MECOM: variants seen among roughly 807,000 people sequenced by gnomAD.
MECOM encodes MDS1 and EVI1 complex locus.
In MECOM, 13 loss-of-function variants were observed where a neutral mutation model predicts 116.3. That is an observed-to-expected ratio of 0.11 (90% CI 0.07 to 0.18). MECOM has a LOEUF of 0.18. Ranked by LOEUF, MECOM falls within the 10% of genes least tolerant of loss-of-function variation. The pLI, the probability that MECOM is intolerant of heterozygous loss-of-function variation, is 1.00. For synonymous variants in MECOM, 528 were observed against 535.2 expected (o/e 0.99, Z 0.19); for missense variants, 1,299 against 1,509.0 (o/e 0.86, Z 2.31).
At chr3:169,610,535 T>C (rs1769136442) in intron 1 of MECOM, among the ~76,000 whole-genome samples, 1 of 151,176 alleles carries the variant, frequency 6.6e-6, no homozygotes, top group Admixed American at 6.6e-5. Flanking sequence ...GTGTATAATA[T>C]CCCTATTTTA....
At chr3:169,369,888 A>T (rs1237318706) in intron 2 of MECOM, among the ~76,000 whole-genome samples, 8 of 152,050 alleles carry the variant, frequency 5.3e-5, no homozygotes, top group African/African-American at 1.9e-4. Context: ...ATTTGTTATT[A>T]TATTACATTT....
At chr3:169,421,164 T>C (rs144533238) in intron 1 of MECOM, among the ~76,000 whole-genome samples, 19 of 152,204 alleles carry the variant, frequency 1.2e-4, no homozygotes, top group Non-Finnish European at 1.2e-4. Context: ...CAAAACCAGG[T>C]AAAAAGGGAA....
chr3:169,429,667 T>G (rs536861405), intron 1 of MECOM, among the ~76,000 whole-genome samples: 3 of 152,314 alleles, frequency 2.0e-5, no homozygotes, highest in Non-Finnish European at 1.5e-5. Flanking sequence ...ACAGGTTTAA[T>G]GGGTTTAACA....
intron 1 of MECOM, among the ~76,000 whole-genome samples, chr3:169,421,865 C>T (rs1396029379): frequency 1.3e-5 from 2 of 152,064 alleles, no homozygotes; most frequent in African/African-American, 4.8e-5. Flanking sequence ...GATTAAACAT[C>T]TCTTGTCTCT....
chr3:169,168,341 T>G (rs895121787), intron 2 of MECOM, among the ~76,000 whole-genome samples: 1 of 150,828 alleles, frequency 6.6e-6, no homozygotes, highest in Non-Finnish European at 1.5e-5. Flanking sequence ...GGCCTGCTTT[T>G]TTTTTTTTTT....
At chr3:169,198,106 A>G (rs1380074061) in intron 2 of MECOM, among the ~76,000 whole-genome samples, 5 of 152,076 alleles carry the variant, frequency 3.3e-5, no homozygotes, top group Admixed American at 6.6e-5. Context: ...TGTGAATGCT[A>G]AAAACCAAAA....
intron 1 of MECOM, among the ~76,000 whole-genome samples, chr3:169,652,013 T>G (rs1430456574): frequency 1.3e-5 from 2 of 152,148 alleles, no homozygotes; most frequent in African/African-American, 4.8e-5. Flanking sequence ...AGAAAAATAT[T>G]GTGTATAAGA....
At chr3:169,472,685 A>G (rs1344092327) in intron 1 of MECOM, among the ~76,000 whole-genome samples, 18 of 135,696 alleles carry the variant, frequency 1.3e-4, no homozygotes, top group African/African-American at 3.5e-4. Flanking sequence ...GAGGAGAGGA[A>G]AGGAAAGGGA....
chr3:169,461,335 G>A (rs1033833197), intron 1 of MECOM, among the ~76,000 whole-genome samples: 19 of 152,212 alleles, frequency 1.2e-4, no homozygotes, highest in South Asian at 6.2e-4. Context: ...CAAACAGAAA[G>A]ACATTTTTAC....
intron 7 of MECOM, 121 bp downstream of exon 7, chr3:169,120,935 T>C (rs1730819390): frequency 1.9e-5 from 18 of 970,236 alleles, no homozygotes; most frequent in Non-Finnish European, 2.6e-5. Flanking sequence ...CCTACTGGAT[T>C]GGACCATAAA....
chr3:169,646,886 A>G (rs777224925), intron 1 of MECOM, among the ~76,000 whole-genome samples: 1 of 152,206 alleles, frequency 6.6e-6, no homozygotes, highest in Non-Finnish European at 1.5e-5. Context: ...AACAAAACTA[A>G]AATCATAACG....
intron 2 of MECOM, among the ~76,000 whole-genome samples, chr3:169,208,657 C>T (rs982711471): frequency 2.0e-5 from 3 of 151,946 alleles, no homozygotes; most frequent in Admixed American, 1.3e-4. Flanking sequence ...AGGACCTCTT[C>T]AAGGAGAACT....
chr3:169,508,416 A>C (rs1755562488), intron 1 of MECOM, among the ~76,000 whole-genome samples: 1 of 152,092 alleles, frequency 6.6e-6, no homozygotes, highest in Admixed American at 6.6e-5. Context: ...AGTGCAAAAA[A>C]AAAAAGACAA....
At chr3:169,349,599 T>G (rs1347033962) in intron 2 of MECOM, among the ~76,000 whole-genome samples, 3 of 151,910 alleles carry the variant, frequency 2.0e-5, no homozygotes, top group African/African-American at 7.2e-5. Context: ...TTTGGGAATG[T>G]TAGCTCAGGT....
chr3:169,105,119 A>C (rs747029627), intron 10 of MECOM, among the ~76,000 whole-genome samples: 2 of 152,186 alleles, frequency 1.3e-5, no homozygotes, highest in Non-Finnish European at 2.9e-5. Context: ...TTTTCTGCCC[A>C]GCCAGCAACC....
intron 2 of MECOM, among the ~76,000 whole-genome samples, chr3:169,351,149 A>AT (rs1201065140): frequency 6.6e-6 from 1 of 151,704 alleles, no homozygotes; most frequent in Non-Finnish European, 1.5e-5. Flanking sequence ...TAATGAAAAG[A>AT]TTTTTTTATA....
chr3:169,261,535 C>G (rs1445374072), intron 2 of MECOM, among the ~76,000 whole-genome samples: 1 of 152,042 alleles, frequency 6.6e-6, no homozygotes, highest in Non-Finnish European at 1.5e-5. Flanking sequence ...CCCGTCTCTA[C>G]TAAAAATACA....
chr3:169,126,001 A>G (rs190430701), intron 5 of MECOM, among the ~76,000 whole-genome samples: 1 of 152,274 alleles, frequency 6.6e-6, no homozygotes, highest in African/African-American at 2.4e-5. Flanking sequence ...GCTAGATCAT[A>G]TAATTTATAA....
intron 1 of MECOM, among the ~76,000 whole-genome samples, chr3:169,421,365 A>G (rs1220809187): frequency 6.6e-6 from 1 of 152,124 alleles, no homozygotes; most frequent in Non-Finnish European, 1.5e-5. Flanking sequence ...TGTTTGCCAT[A>G]CAAGAAGTAC....
Sources: allele counts gnomAD v4.1 joint callset (sites outside exome capture counted in the v4.1 genomes callset), GRCh38; gene constraint gnomAD v4.1.1; transcripts MANE v1.5; gene names NCBI Gene and HGNC (gene_info 2026-07-23, HGNC 2026-07-21).